The following LEF1 variants were observed in gnomAD, a reference collection of about 807,000 sequenced individuals.
LEF1 encodes the protein lymphoid enhancer binding factor 1.
In LEF1, 14 loss-of-function variants were observed where a neutral mutation model predicts 51.2. The observed-to-expected ratio is 0.27, with a 90% confidence interval of 0.18 to 0.43. LEF1 has a LOEUF of 0.43. LEF1 is among the 20% of genes least tolerant of loss of function. The pLI, the probability that LEF1 is intolerant of heterozygous loss-of-function variation, is 1.00. For synonymous variants in LEF1, 185 were observed against 183.2 expected (o/e 1.01, Z -0.08); for missense variants, 386 against 512.0 (o/e 0.75, Z 2.37).
intron 3 of LEF1, among the ~76,000 whole-genome samples, chr4:108,123,101 T>C (rs943664575): frequency 6.6e-6 from 1 of 152,216 alleles, no homozygotes; most frequent in Non-Finnish European, 1.5e-5. Flanking sequence ...TCTGCAGAAA[T>C]TACTTGAGGC....
At chr4:108,060,858 G>A (rs1415513589) in intron 11 of LEF1, among the ~76,000 whole-genome samples, 2 of 151,962 alleles carry the variant, frequency 1.3e-5, no homozygotes, top group African/African-American at 4.8e-5. Context: ...TCTCCATAGG[G>A]CCTATCTTAG....
chr4:108,157,179 T>TATATACACACACACACAC (rs780217431), intron 3 of LEF1, among the ~76,000 whole-genome samples: 1 of 116,788 alleles, frequency 8.6e-6, no homozygotes, highest in African/African-American at 3.3e-5. Flanking sequence ...TATATATATA[T>TATATACACACACACACAC]ACACACACAC....
At chr4:108,165,190 A>G (rs759181161) in intron 1 of LEF1, 27 bp from the exon 2 acceptor site, 1 of 1,605,894 alleles carries the variant, frequency 6.2e-7, no homozygotes, top group African/African-American at 1.3e-5. Context: ...CCACACCCAA[A>G]AGAAAGAAAA....
At chr4:108,136,465 C>CTTT (rs3034771) in intron 3 of LEF1, among the ~76,000 whole-genome samples, 2 of 140,808 alleles carry the variant, frequency 1.4e-5, no homozygotes, top group Non-Finnish European at 3.1e-5. Context: ...CTTAAATTTC[C>CTTT]TTTTTTTTTT....
chr4:108,126,204 T>TA (rs529278721), intron 3 of LEF1, among the ~76,000 whole-genome samples: 43 of 152,004 alleles, frequency 2.8e-4, no homozygotes, highest in Non-Finnish European at 4.6e-4. Flanking sequence ...TTGACAGTAA[T>TA]AAAAAAAACC....
intron 3 of LEF1, among the ~76,000 whole-genome samples, chr4:108,130,008 G>A (rs1742773094): frequency 6.6e-6 from 1 of 152,144 alleles, no homozygotes; most frequent in Non-Finnish European, 1.5e-5. Context: ...CAGGGTGAAT[G>A]ACAACCAAGG....
chr4:108,101,823 A>C (rs1020842906), intron 3 of LEF1, among the ~76,000 whole-genome samples: 1 of 152,088 alleles, frequency 6.6e-6, no homozygotes. Flanking sequence ...TGCATATGGA[A>C]GCCGAGGTAG....
At chr4:108,060,399 G>T (rs1021391529) in intron 11 of LEF1, among the ~76,000 whole-genome samples, 1 of 152,158 alleles carries the variant, frequency 6.6e-6, no homozygotes, top group Non-Finnish European at 1.5e-5. Context: ...GACAGACAGG[G>T]ATCTCAGAGG....
chr4:108,083,066 T>C (rs950352623), intron 5 of LEF1: 4 of 377,864 alleles, frequency 1.1e-5, no homozygotes, highest in Non-Finnish European at 1.9e-5. Context: ...ACTAACTTTG[T>C]ACAGGCATAG....
intron 4 of LEF1, among the ~76,000 whole-genome samples, chr4:108,086,688 G>A (rs1464495309): frequency 6.6e-6 from 1 of 152,200 alleles, no homozygotes; most frequent in Non-Finnish European, 1.5e-5. Context: ...GTTGTCATCT[G>A]TAAGGATAAA....
intron 9 of LEF1, among the ~76,000 whole-genome samples, chr4:108,067,059 T>C (rs1384346571): frequency 1.3e-5 from 2 of 152,246 alleles, no homozygotes; most frequent in Non-Finnish European, 2.9e-5. Flanking sequence ...AGTACTGTTA[T>C]TTAAAGAACA....
intron 3 of LEF1, among the ~76,000 whole-genome samples, chr4:108,128,386 TAAAC>T (rs1163434244): frequency 1.3e-5 from 2 of 151,824 alleles, no homozygotes; most frequent in Admixed American, 6.6e-5. Flanking sequence ...GATTACAACA[TAAAC>T]AAAATTATTT....
intron 3 of LEF1, among the ~76,000 whole-genome samples, chr4:108,098,165 G>A (rs188052029): frequency 2.0e-5 from 3 of 152,272 alleles, no homozygotes; most frequent in East Asian, 1.9e-4. Flanking sequence ...ACTGCCCAGG[G>A]ATGGCATATT....
At chr4:108,050,933 GC>G (rs1736948718) in intron 11 of LEF1, among the ~76,000 whole-genome samples, 1 of 152,132 alleles carries the variant, frequency 6.6e-6, no homozygotes, top group Non-Finnish European at 1.5e-5. Flanking sequence ...TGCACTTCCG[GC>G]TCCACCAGTC....
At chr4:108,110,728 C>A (rs1045536046) in intron 3 of LEF1, among the ~76,000 whole-genome samples, 7 of 152,160 alleles carry the variant, frequency 4.6e-5, no homozygotes, top group African/African-American at 1.7e-4. Flanking sequence ...GTGACTTAAC[C>A]GCTGCTTCCT....
intron 3 of LEF1, among the ~76,000 whole-genome samples, chr4:108,159,943 A>G (rs1183814796): frequency 2.0e-5 from 3 of 152,182 alleles, no homozygotes; most frequent in Admixed American, 1.3e-4. Context: ...AAAGAACCAA[A>G]AACAATGAAG....
intron 4 of LEF1, among the ~76,000 whole-genome samples, chr4:108,086,249 T>A (rs1739639169): frequency 1.3e-5 from 2 of 152,120 alleles, no homozygotes; most frequent in East Asian, 3.8e-4. Context: ...TAAGTTTATT[T>A]TTTATTTATT....
At chr4:108,099,566 G>GTGTATATATATA (rs1740632462) in intron 3 of LEF1, among the ~76,000 whole-genome samples, 2 of 72,876 alleles carry the variant, frequency 2.7e-5, no homozygotes, top group South Asian at 4.9e-4. Context: ...ATGTGTGTGT[G>GTGTATATATATA]TGTGTATATA....
chr4:108,156,736 A>T (rs1033314387), intron 3 of LEF1, among the ~76,000 whole-genome samples: 2 of 152,196 alleles, frequency 1.3e-5, no homozygotes, highest in African/African-American at 4.8e-5. Flanking sequence ...TTCCAGGATT[A>T]AAAAAGATTT....
Sources: allele counts gnomAD v4.1 joint callset (sites outside exome capture counted in the v4.1 genomes callset), GRCh38; gene constraint gnomAD v4.1.1; transcripts MANE v1.5; gene names NCBI Gene and HGNC (gene_info 2026-07-23, HGNC 2026-07-21).